Variants in SCARB2 observed in about 807,000 individuals in gnomAD.
SCARB2 encodes the protein lysosome membrane protein 2.
In SCARB2, 29 loss-of-function variants were observed where a neutral mutation model predicts 58.6. The observed-to-expected ratio is 0.49, with a 90% CI of 0.37 to 0.67. The LOEUF (loss-of-function observed/expected upper bound fraction) is 0.67, where lower values mean the gene tolerates loss of function less well. SCARB2 is among the 30% of genes least tolerant of loss of function. The pLI is 0.00. For missense variants in SCARB2, 488 were observed against 578.5 expected, an observed-to-expected ratio of 0.84 and a Z score of 1.60; for synonymous variants, 195 against 210.1, an observed-to-expected ratio of 0.93 and a Z score of 0.62.
At chr4:76,195,481 G>A (rs757651960) in intron 2 of SCARB2, 6 of 553,742 alleles carry the variant, frequency 1.1e-5, no homozygotes, top group East Asian at 6.2e-5. Flanking sequence ...GGAGGAAACC[G>A]CTGCACTTCA....
intron 2 of SCARB2, among the ~76,000 whole-genome samples, chr4:76,189,256 A>T (rs1488001363): frequency 6.6e-6 from 1 of 152,216 alleles, no homozygotes; most frequent in Non-Finnish European, 1.5e-5. Flanking sequence ...TCACTGTCAT[A>T]ATGGATGCAC....
intron 11 of SCARB2, chr4:76,161,987 C>T (rs1297373332): frequency 5.1e-6 from 3 of 584,152 alleles, no homozygotes; most frequent in Non-Finnish European, 9.2e-6. Flanking sequence ...CAGTACCCTT[C>T]TCTGTGTTGA....
upstream of SCARB2, among the ~76,000 whole-genome samples, chr4:76,218,426 A>G (rs1480726976): frequency 6.6e-6 from 1 of 152,136 alleles, no homozygotes; most frequent in African/African-American, 2.4e-5. Context: ...CTCATATACC[A>G]TTTATATTAT....
intron 1 of SCARB2, among the ~76,000 whole-genome samples, chr4:76,230,335 A>G (rs1008529698): frequency 6.6e-6 from 1 of 152,128 alleles, no homozygotes; most frequent in Admixed American, 6.5e-5. Flanking sequence ...ACTCCCACAC[A>G]GCTGGTGAGG....
chr4:76,180,852 A>G (rs1732367619), intron 3 of SCARB2, 102 bp downstream of exon 3: 1 of 992,744 alleles, frequency 1.0e-6, no homozygotes, highest in African/African-American at 1.6e-5. Context: ...GTATATTTCA[A>G]CATAACTTAA....
intron 2 of SCARB2, among the ~76,000 whole-genome samples, chr4:76,187,066 C>G (rs990092661): frequency 3.3e-5 from 5 of 152,032 alleles, no homozygotes; most frequent in Admixed American, 2.6e-4. Context: ...GTTAATAGGA[C>G]AGAATTAGAC....
chr4:76,191,769 T>C (rs1367715134), intron 2 of SCARB2: 1 of 142,074 alleles, frequency 7.0e-6, no homozygotes, highest in African/African-American at 2.6e-5. Flanking sequence ...CCTGTCTTTC[T>C]TTCTTTCTTC....
chr4:76,200,123 T>G (rs933776137), intron 1 of SCARB2, among the ~76,000 whole-genome samples: 1 of 152,178 alleles, frequency 6.6e-6, no homozygotes, highest in Non-Finnish European at 1.5e-5. Context: ...AAGGCGCCCT[T>G]TGCCAGTCTG....
At chr4:76,224,294 A>G (rs1733358580) in intron 1 of SCARB2, among the ~76,000 whole-genome samples, 1 of 152,228 alleles carries the variant, frequency 6.6e-6, no homozygotes, top group Non-Finnish European at 1.5e-5. Flanking sequence ...ATCCGAAGGA[A>G]AAATAAAACT....
At chr4:76,165,891 G>A (rs901594124) in intron 10 of SCARB2, 9 of 357,328 alleles carry the variant, frequency 2.5e-5, no homozygotes, top group Admixed American at 8.5e-5. Context: ...TTTCAAAGAA[G>A]GGGGAGACAA....
At chr4:76,203,580 T>G (rs375232619) in intron 1 of SCARB2, among the ~76,000 whole-genome samples, 2 of 152,322 alleles carry the variant, frequency 1.3e-5, no homozygotes, top group Non-Finnish European at 2.9e-5. Flanking sequence ...AGTAAAAGAA[T>G]CTTCAACCAG....
chr4:76,173,104 A>G (rs996560598), intron 7 of SCARB2: 8 of 152,236 alleles, frequency 5.3e-5, no homozygotes, highest in African/African-American at 1.9e-4. Context: ...TAATTCTGCA[A>G]CATGTGGCTG....
At chr4:76,213,340 T>G in intron 1 of SCARB2, 87 bp downstream of exon 1, 1 of 921,160 alleles carries the variant, frequency 1.1e-6, no homozygotes, top group Non-Finnish European at 1.8e-6. Flanking sequence ...GCCTGAGTGC[T>G]GGTCTTTCCC....
At chr4:76,229,331 C>T (rs1733453486) in intron 1 of SCARB2, among the ~76,000 whole-genome samples, 1 of 152,148 alleles carries the variant, frequency 6.6e-6, no homozygotes, top group African/African-American at 2.4e-5. Context: ...CTTCTGAATT[C>T]TTCATGTGGC....
intron 5 of SCARB2, chr4:76,176,136 T>A (rs1732247329): frequency 3.2e-6 from 2 of 621,766 alleles, no homozygotes; most frequent in East Asian, 5.5e-5. Flanking sequence ...CATGTGGTGG[T>A]TTGAAAAGTA....
chr4:76,159,332 T>A lies in SCARB2; in HGVS notation c.*2381A>T, dbSNP rs902125115. 2 of 152,228 alleles carry A rather than the reference T, an allele frequency of 1.3e-5. No individual in the cohort carries two copies. Among genetic ancestry groups the A allele is most frequent in the African/African-American group, 4.8e-5 (2 of 41,458 alleles). 9.4% of individuals were successfully genotyped at this position (152,228 alleles called of 1,614,324 possible). ...ACTTAAAGCCAAATAGGTGCATTCA[T>A]TCCTCTTAATCTATAATTTTGACTG... On this transcript the variant is annotated 3_prime_UTR_variant, in exon 12 of 12. Coordinates refer to ENST00000264896, the MANE Select transcript of SCARB2 (RefSeq NM_005506.4).
chr4:76,198,099 G>A (rs1242716372), intron 1 of SCARB2, among the ~76,000 whole-genome samples: 4 of 152,108 alleles, frequency 2.6e-5, no homozygotes, highest in Admixed American at 6.5e-5. Flanking sequence ...CCCCACTCTC[G>A]ACTCCACCGC....
chr4:76,179,574 C>A lies in SCARB2; in HGVS notation c.555G>T (p.Leu185Phe). 6.2e-7 allele frequency: 1 copy of A among 1,614,174 alleles called. No homozygotes were observed. Among genetic ancestry groups the A allele is most frequent in the Non-Finnish European group, 8.5e-7 (1 of 1,180,010 alleles). Reference protein sequence around the residue: ...ELLWGYKDEILSLIHVFRPDI... With the variant: ...ELLWGYKDEIFSLIHVFRPDI... ...CGGGCCTGAAAACATGGATAAGGGA[C>A]AAGATTTCATCTTTGTAGCCCCAGA... Residue 185 changes from leucine (L) to phenylalanine (F), a missense_variant, in exon 4 of 12, where the codon TTG becomes TTT. Coordinates refer to ENST00000264896, the MANE Select transcript of SCARB2 (RefSeq NM_005506.4).
At position 76,161,574 on chromosome 4, in the gene SCARB2, T is replaced by C; in HGVS notation, c.*139A>G. ...CCTGCTCTTTAACCTCTGGCCAGAA[T>C]GTTCCTATCACTTGCCAGCGCCGTG... is the stretch of plus-strand genomic sequence containing the variant. On this transcript the variant is annotated 3_prime_UTR_variant, in exon 12 of 12. Transcript: ENST00000264896. 1.2e-6 allele frequency: 1 copy of C among 861,398 alleles called. No homozygotes were observed. The highest frequency in any genetic ancestry group is 1.4e-5 in the South Asian group (1 of 73,020). The allele number at this position is 861,398 out of a possible 1,614,324, so 53.4% of individuals were successfully genotyped here.
Sources: allele counts gnomAD v4.1 joint callset (sites outside exome capture counted in the v4.1 genomes callset), GRCh38; gene constraint gnomAD v4.1.1; transcripts MANE v1.5; gene names NCBI Gene and HGNC (gene_info 2026-07-23, HGNC 2026-07-21).